Variants in CEP70 observed in about 807,000 individuals in gnomAD.
CEP70 encodes the protein centrosomal protein 70, also known as centrosomal protein of 70 kDa.
A neutral mutation model predicts 90.9 loss-of-function variants in CEP70; 70 were observed. The ratio of observed to expected loss-of-function variants is 0.77; its 90% CI spans 0.64 to 0.94. CEP70 has a LOEUF of 0.94. CEP70 is among the 40% of genes least tolerant of loss of function. The pLI, the probability that CEP70 is intolerant of heterozygous loss-of-function variation, is 0.00. For synonymous variants in CEP70, 220 were observed against 228.3 expected (o/e 0.96, Z 0.33); for missense variants, 648 against 669.0 (o/e 0.97, Z 0.35).
intron 6 of CEP70, among the ~76,000 whole-genome samples, chr3:138,552,691 A>G (rs539558251): frequency 6.2e-4 from 95 of 152,250 alleles, no homozygotes; most frequent in Admixed American, 1.8e-3. Flanking sequence ...TAAGAGGAAA[A>G]TTCACCACCT....
intron 11 of CEP70, among the ~76,000 whole-genome samples, chr3:138,524,450 A>G (rs913520342): frequency 1.3e-5 from 2 of 152,214 alleles, no homozygotes; most frequent in African/African-American, 4.8e-5. Context: ...AACAGAGTGA[A>G]TCAGAGTGAA....
chr3:138,587,216 A>C (rs2042147864), intron 2 of CEP70, among the ~76,000 whole-genome samples: 5 of 152,066 alleles, frequency 3.3e-5, no homozygotes. Flanking sequence ...AATGAAGATT[A>C]AAGAAGGAAA....
chr3:138,578,931 A>T (rs1330131856), intron 2 of CEP70, among the ~76,000 whole-genome samples: 2 of 152,234 alleles, frequency 1.3e-5, no homozygotes, highest in Non-Finnish European at 2.9e-5. Flanking sequence ...GTGAGCAATC[A>T]CAGTAACTGG....
At chr3:138,542,691 G>A (rs78385385) in intron 6 of CEP70, among the ~76,000 whole-genome samples, 1,805 of 152,302 alleles carry the variant, frequency 0.012, 20 homozygotes, top group Non-Finnish European at 0.018. Context: ...CTTCACTCAC[G>A]CAGTTTGTCT....
intron 11 of CEP70, among the ~76,000 whole-genome samples, chr3:138,521,162 C>T (rs1393897302): frequency 2.6e-5 from 4 of 152,332 alleles, no homozygotes; most frequent in Admixed American, 2.0e-4. Context: ...TCGCTACAAC[C>T]TCCACCTCCC....
chr3:138,567,633 C>A (rs1672932), intron 6 of CEP70, among the ~76,000 whole-genome samples: 69,149 of 151,842 alleles, frequency 0.46, 17,333 homozygotes, highest in Admixed American at 0.6. Flanking sequence ...TGTCATTAGT[C>A]CTTAATATAT....
chr3:138,588,536 C>A (rs532946321), intron 2 of CEP70, among the ~76,000 whole-genome samples: 5 of 152,180 alleles, frequency 3.3e-5, no homozygotes, highest in African/African-American at 1.2e-4. Flanking sequence ...TTAAAACACA[C>A]GATGTGACAC....
chr3:138,538,671 G>A (rs907078415), intron 6 of CEP70, among the ~76,000 whole-genome samples: 1 of 152,168 alleles, frequency 6.6e-6, no homozygotes, highest in African/African-American at 2.4e-5. Context: ...AAAGGAGCCA[G>A]TGACTGACCC....
chr3:138,515,132 T>C (rs1350941903), intron 11 of CEP70, among the ~76,000 whole-genome samples: 1 of 152,140 alleles, frequency 6.6e-6, no homozygotes, highest in African/African-American at 2.4e-5. Context: ...CTATGAATGC[T>C]GAATTAGCAA....
At chr3:138,515,731 CTACG>C (rs1200603419) in intron 11 of CEP70, among the ~76,000 whole-genome samples, 2 of 152,256 alleles carry the variant, frequency 1.3e-5, no homozygotes, top group African/African-American at 2.4e-5. Flanking sequence ...CTATCTATCT[CTACG>C]TATGTGTAAG....
At chr3:138,566,679 A>T (rs2040814560) in intron 6 of CEP70, among the ~76,000 whole-genome samples, 1 of 151,892 alleles carries the variant, frequency 6.6e-6, no homozygotes, top group African/African-American at 2.4e-5. Context: ...GGGCTAGGGG[A>T]GGGATAGCAT....
chr3:138,576,287 G>C (rs186072929), intron 2 of CEP70, among the ~76,000 whole-genome samples: 7,276 of 152,110 alleles, frequency 0.048, 556 homozygotes, highest in African/African-American at 0.16. Context: ...GCAAAAAAAA[G>C]CAGGGGTTGC....
chr3:138,559,364 G>A (rs1379257), intron 6 of CEP70, among the ~76,000 whole-genome samples: 89,179 of 152,080 alleles, frequency 0.59, 26,705 homozygotes, highest in East Asian at 0.94. Context: ...CAAGCTACAC[G>A]CTCAAGAAAT....
At chr3:138,517,952 A>T (rs1203622871) in intron 11 of CEP70, among the ~76,000 whole-genome samples, 1 of 152,196 alleles carries the variant, frequency 6.6e-6, no homozygotes, top group Non-Finnish European at 1.5e-5. Context: ...GGGGTGACAG[A>T]CAGCACCTGG....
intron 6 of CEP70, among the ~76,000 whole-genome samples, chr3:138,538,341 C>A (rs2038465346): frequency 6.6e-6 from 1 of 152,130 alleles, no homozygotes; most frequent in Admixed American, 6.5e-5. Flanking sequence ...GGGTATGAAA[C>A]CCTAGCCAGC....
At chr3:138,587,617 C>T (rs940921844) in intron 2 of CEP70, among the ~76,000 whole-genome samples, 59 of 35,496 alleles carry the variant, frequency 1.7e-3, no homozygotes, top group African/African-American at 6.2e-3. Context: ...GACCCCATCT[C>T]TACAAAAAAA....
At chr3:138,517,760 G>A (rs960843712) in intron 11 of CEP70, among the ~76,000 whole-genome samples, 1 of 152,230 alleles carries the variant, frequency 6.6e-6, no homozygotes. Flanking sequence ...CATGAGCAAC[G>A]CAGAAGACGG....
chr3:138,507,920 T>C (rs1208096222), intron 12 of CEP70, among the ~76,000 whole-genome samples: 1 of 152,136 alleles, frequency 6.6e-6, no homozygotes, highest in Non-Finnish European at 1.5e-5. Context: ...GTGTACCCAA[T>C]AAAATGTGAG....
At chr3:138,520,710 A>G (rs2108785261) in intron 11 of CEP70, among the ~76,000 whole-genome samples, 1 of 152,330 alleles carries the variant, frequency 6.6e-6, no homozygotes, top group Non-Finnish European at 1.5e-5. Context: ...TTATAGCACT[A>G]AATGCCCACA....
Sources: allele counts gnomAD v4.1 joint callset (sites outside exome capture counted in the v4.1 genomes callset), GRCh38; gene constraint gnomAD v4.1.1; transcripts MANE v1.5; gene names NCBI Gene and HGNC (gene_info 2026-07-23, HGNC 2026-07-21).